PLCB1: variants seen among roughly 807,000 people sequenced by gnomAD.
PLCB1 encodes the protein phospholipase C beta 1.
A neutral mutation model predicts 161.8 loss-of-function variants in PLCB1; 46 were observed. That is an observed-to-expected ratio of 0.28 (90% CI 0.22 to 0.36). The LOEUF is 0.36. Among genes scored for constraint, PLCB1 ranks in the 10% least tolerant of loss-of-function variants. The pLI is 1.00. For synonymous variants in PLCB1, 517 were observed against 503.7 expected, an observed-to-expected ratio of 1.03 and a Z score of -0.35; for missense variants, 1,016 against 1,472.5, an observed-to-expected ratio of 0.69 and a Z score of 5.07.
At chr20:8,583,006 A>G (rs888318332) in intron 3 of PLCB1, among the ~76,000 whole-genome samples, 5 of 149,448 alleles carry the variant, frequency 3.3e-5, no homozygotes, top group African/African-American at 1.3e-4. Flanking sequence ...AAAAAAAAGA[A>G]AAGGAAAATG....
intron 27 of PLCB1, among the ~76,000 whole-genome samples, chr20:8,777,348 A>G (rs1171187997): frequency 6.6e-6 from 1 of 152,140 alleles, no homozygotes; most frequent in African/African-American, 2.4e-5. Flanking sequence ...GGCCAACAGC[A>G]GCCCAAGGGG....
chr20:8,361,022 T>C (rs2122300053), intron 2 of PLCB1, among the ~76,000 whole-genome samples: 1 of 152,314 alleles, frequency 6.6e-6, no homozygotes, highest in Middle Eastern at 3.4e-3. Context: ...TCACCAGATA[T>C]GCCATACTGT....
At chr20:8,745,814 C>T (rs952720764) in intron 23 of PLCB1, among the ~76,000 whole-genome samples, 9 of 151,882 alleles carry the variant, frequency 5.9e-5, no homozygotes, top group African/African-American at 1.5e-4. Flanking sequence ...TAAAAAGTCA[C>T]GTAGAAAAAT....
At chr20:8,518,590 G>A (rs1984229608) in intron 3 of PLCB1, among the ~76,000 whole-genome samples, 1 of 152,062 alleles carries the variant, frequency 6.6e-6, no homozygotes, top group Non-Finnish European at 1.5e-5. Flanking sequence ...TATCCATCCT[G>A]TACTTATTGG....
At chr20:8,632,033 TG>T (rs1568537353) in intron 4 of PLCB1, among the ~76,000 whole-genome samples, 1 of 84,580 alleles carries the variant, frequency 1.2e-5, no homozygotes, top group African/African-American at 4.7e-5. Flanking sequence ...GGGTTTTTTT[TG>T]CTTTTTTTTT....
chr20:8,783,284 C>T (rs748452371), intron 27 of PLCB1, among the ~76,000 whole-genome samples: 1 of 152,210 alleles, frequency 6.6e-6, no homozygotes, highest in African/African-American at 2.4e-5. Flanking sequence ...TGCTTCTTCT[C>T]TACCTTTAAT....
At chr20:8,200,121 G>C (rs2052077469) in intron 2 of PLCB1, among the ~76,000 whole-genome samples, 4 of 151,984 alleles carry the variant, frequency 2.6e-5, no homozygotes, top group Admixed American at 2.0e-4. Flanking sequence ...TCTCCCTCTT[G>C]GAAGTCTCTC....
intron 2 of PLCB1, among the ~76,000 whole-genome samples, chr20:8,287,172 A>T (rs1983160148): frequency 4.6e-5 from 7 of 152,134 alleles, no homozygotes; most frequent in Admixed American, 4.6e-4. Context: ...TCTTTACTCT[A>T]TATCCCAAAA....
intron 3 of PLCB1, among the ~76,000 whole-genome samples, chr20:8,416,145 G>A (rs568673558): frequency 4.7e-4 from 72 of 152,300 alleles, no homozygotes; most frequent in African/African-American, 1.7e-3. Context: ...ACTCATGTGT[G>A]TTGAGTTACT....
chr20:8,845,094 A>G (rs1029397093), intron 31 of PLCB1, among the ~76,000 whole-genome samples: 5 of 152,072 alleles, frequency 3.3e-5, no homozygotes, highest in African/African-American at 7.2e-5. Context: ...AACCTGGGCA[A>G]TAGAGCAAGA....
chr20:8,182,368 A>G (rs1480532971), intron 2 of PLCB1, among the ~76,000 whole-genome samples: 1 of 152,100 alleles, frequency 6.6e-6, no homozygotes, highest in Non-Finnish European at 1.5e-5. Flanking sequence ...AATGTGGTAG[A>G]AGTGATGGTG....
At chr20:8,385,917 G>C (rs1294940155) in intron 3 of PLCB1, among the ~76,000 whole-genome samples, 1 of 152,176 alleles carries the variant, frequency 6.6e-6, no homozygotes, top group Non-Finnish European at 1.5e-5. Context: ...GATTCTTTTT[G>C]ATGGAGCCTC....
At chr20:8,463,009 A>C (rs1222336204) in intron 3 of PLCB1, among the ~76,000 whole-genome samples, 2 of 151,976 alleles carry the variant, frequency 1.3e-5, no homozygotes, top group South Asian at 4.1e-4. Flanking sequence ...ATTTTATTCC[A>C]GTTTGTTCAT....
intron 27 of PLCB1, among the ~76,000 whole-genome samples, chr20:8,778,069 C>G (rs1264368484): frequency 1.3e-5 from 2 of 152,152 alleles, no homozygotes; most frequent in Non-Finnish European, 2.9e-5. Flanking sequence ...GGGTGGCACA[C>G]AGCCAAACCA....
intron 31 of PLCB1, among the ~76,000 whole-genome samples, chr20:8,832,610 T>C (rs1344175752): frequency 6.6e-6 from 1 of 152,186 alleles, no homozygotes; most frequent in Non-Finnish European, 1.5e-5. Flanking sequence ...TTAGAGCACA[T>C]GATAACTCTT....
chr20:8,234,294 A>C (rs1263848480), intron 2 of PLCB1, among the ~76,000 whole-genome samples: 1 of 152,134 alleles, frequency 6.6e-6, no homozygotes, highest in African/African-American at 2.4e-5. Context: ...CAGAAGGTTA[A>C]AGTAATAATA....
chr20:8,760,557 C>A (rs1981969806), intron 25 of PLCB1, 97 bp downstream of exon 25: 6 of 751,418 alleles, frequency 8.0e-6, no homozygotes, highest in South Asian at 1.9e-5. Context: ...ATCTGAAAAA[C>A]AACATCATTA....
chr20:8,267,000 G>A (rs1461225641), intron 2 of PLCB1, among the ~76,000 whole-genome samples: 2 of 148,344 alleles, frequency 1.3e-5, no homozygotes, highest in Non-Finnish European at 3.0e-5. Flanking sequence ...TCGTGCCATT[G>A]TACTCCAGTC....
chr20:8,311,364 A>G (rs955051635), intron 2 of PLCB1, among the ~76,000 whole-genome samples: 1 of 152,214 alleles, frequency 6.6e-6, no homozygotes, highest in African/African-American at 2.4e-5. Flanking sequence ...TTATTCTGCT[A>G]TTTCAAATAC....
Sources: gnomAD v4.1 joint callset for allele counts (sites outside exome capture counted in the v4.1 genomes callset) on GRCh38, gnomAD v4.1.1 for gene constraint, MANE v1.5 for transcripts, NCBI Gene and HGNC (gene_info 2026-07-23, HGNC 2026-07-21) for gene names.